Variants in EGLN1 observed in about 807,000 individuals in gnomAD.
EGLN1 encodes egl nine homolog 1.
In EGLN1, 17 loss-of-function variants were observed where a neutral mutation model predicts 38.3. The ratio of observed to expected loss-of-function variants is 0.44; its 90% CI spans 0.30 to 0.67. The LOEUF (loss-of-function observed/expected upper bound fraction) is 0.67, where lower values mean the gene tolerates loss of function less well. Ranked by LOEUF, EGLN1 falls within the 30% of genes least tolerant of loss-of-function variation. The probability of loss-of-function intolerance (pLI) is 0.08; values close to 1 mark genes in which losing one functional copy is unlikely to be tolerated. For missense variants in EGLN1, 477 were observed against 603.3 expected (o/e 0.79, Z 2.19); for synonymous variants, 283 against 257.5 (o/e 1.10, Z -0.95).
intron 1 of EGLN1, among the ~76,000 whole-genome samples, chr1:231,403,672 A>T (rs1688716490): frequency 7.0e-6 from 1 of 142,122 alleles, no homozygotes. Flanking sequence ...GCTACTTGGG[A>T]GGCTGAGGCA....
rs1458473190 is a variant in EGLN1 at position 231,370,552 on chromosome 1, G to C, written c.1148+10C>G. ...ACTCTAAACCAATTTTTTCTGAAAAGGAATACTACCTTGTAGCATATGCTG... is the reference window on the plus strand; with the variant it reads ...ACTCTAAACCAATTTTTTCTGAAAACGAATACTACCTTGTAGCATATGCTG... On this transcript the variant is annotated intron_variant, in intron 3 of 4. Coordinates refer to ENST00000366641, the MANE Select transcript of EGLN1 (RefSeq NM_022051.3). The C allele has an allele frequency of 2.5e-6, 4 of 1,613,120 alleles. No individual in the cohort carries two copies. The highest frequency in any genetic ancestry group is 1.7e-5 in the Admixed American group (1 of 60,026).
Position 231,421,547 on chromosome 1 carries a change from G to A in EGLN1, c.342C>T (p.Ala114=), listed in dbSNP as rs2102947853. 1 of 1,309,280 alleles carries A rather than the reference G, an allele frequency of 7.6e-7. No individual in the cohort carries two copies. The highest frequency in any genetic ancestry group is 9.7e-7 in the Non-Finnish European group (1 of 1,032,988). The allele number at this position is 1,309,280 out of a possible 1,614,324, so 81.1% of individuals were successfully genotyped here. ...CCGCCGCTGGGTCGGCCGGGGGCTTGGCCTTTACTTTTCCCTTGGCCGCGT... is the reference window on the plus strand; with the variant it reads ...CCGCCGCTGGGTCGGCCGGGGGCTTAGCCTTTACTTTTCCCTTGGCCGCGT... ...SGDAAKGKVK[A]KPPADPAAAA... is the part of the protein sequence containing the mutation. The change falls in exon 1 of 5, where the codon GCC becomes GCT. Residue 114 remains alanine, a synonymous_variant. Transcript: ENST00000366641. The surrounding 1 kb of genome is among the most constrained non-coding windows in gnomAD (Gnocchi z 5.5).
intron 1 of EGLN1, among the ~76,000 whole-genome samples, chr1:231,381,621 G>C (rs556170584): frequency 6.6e-6 from 1 of 152,100 alleles, no homozygotes; most frequent in Non-Finnish European, 1.5e-5. Context: ...GTATAATCTA[G>C]AGATATGTCA....
chr1:231,422,219 C>T lies in EGLN1; in HGVS notation c.-331G>A, dbSNP rs949839466. On this transcript the variant is annotated 5_prime_UTR_variant, in exon 1 of 5. Coordinates refer to ENST00000366641, the MANE Select transcript of EGLN1 (RefSeq NM_022051.3). Reference sequence around the variant, plus strand: ...CGGCCCCCTCGGCCGCCGCCGCCGCCTCAGCGTCCCGGGCGGCCCGGCCCA... The same window carrying T: ...CGGCCCCCTCGGCCGCCGCCGCCGCTTCAGCGTCCCGGGCGGCCCGGCCCA... 6 of 187,986 alleles carry T rather than the reference C, an allele frequency of 3.2e-5. No individual in the cohort carries two copies. The highest frequency in any genetic ancestry group is 6.5e-5 in the Non-Finnish European group (6 of 92,922). 11.6% of individuals were successfully genotyped at this position (187,986 alleles called of 1,614,324 possible).
chr1:231,382,683 TTC>T (rs1688103373), intron 1 of EGLN1, among the ~76,000 whole-genome samples: 1 of 152,128 alleles, frequency 6.6e-6, no homozygotes. Flanking sequence ...CATAAAGGAA[TTC>T]TGTTATTTGA....
At chr1:231,393,652 G>A (rs1188996724) in intron 1 of EGLN1, among the ~76,000 whole-genome samples, 5 of 151,968 alleles carry the variant, frequency 3.3e-5, no homozygotes, top group Admixed American at 6.6e-5. Flanking sequence ...TATATTCCAT[G>A]TCCCTGTTTC....
chr1:231,367,559 T>C lies in EGLN1; in HGVS notation c.1216+10A>G. The C allele has an allele frequency of 6.2e-7, 1 of 1,613,898 alleles. No individual in the cohort carries two copies. The highest frequency in any genetic ancestry group is 8.5e-7 in the Non-Finnish European group (1 of 1,179,858). Reference sequence around the variant, plus strand: ...TGTACCAATATATCCTGGCCCCAAATGACGTTTACCTGTTAGATATTTTAC... The same window carrying C: ...TGTACCAATATATCCTGGCCCCAAACGACGTTTACCTGTTAGATATTTTAC... On this transcript the variant is annotated intron_variant, in intron 4 of 4. Transcript: ENST00000366641.
At chr1:231,381,652 A>G (rs1688082493) in intron 1 of EGLN1, among the ~76,000 whole-genome samples, 1 of 152,216 alleles carries the variant, frequency 6.6e-6, no homozygotes, top group South Asian at 2.1e-4. Context: ...GTACTCTCTG[A>G]GCTTTCATTT....
intron 1 of EGLN1, among the ~76,000 whole-genome samples, chr1:231,395,191 TC>T (rs1688489521): frequency 6.6e-6 from 1 of 152,230 alleles, no homozygotes; most frequent in Non-Finnish European, 1.5e-5. Context: ...CATATCTGTC[TC>T]TTTTATTTTA....
chr1:231,373,948 G>GA (rs752212942), intron 2 of EGLN1, 32 bp downstream of exon 2: 1 of 1,611,896 alleles, frequency 6.2e-7, no homozygotes, highest in Non-Finnish European at 8.5e-7. Context: ...ACACCTGTAA[G>GA]AAAAAAATAA....
intron 2 of EGLN1, 126 bp downstream of exon 2, chr1:231,373,854 T>C: frequency 8.9e-7 from 1 of 1,118,340 alleles, no homozygotes; most frequent in South Asian, 1.4e-5. Flanking sequence ...TACCTGAGAC[T>C]GAAACAAATT....
At chr1:231,405,760 G>A (rs1322846663) in intron 1 of EGLN1, among the ~76,000 whole-genome samples, 2 of 151,950 alleles carry the variant, frequency 1.3e-5, no homozygotes, top group Non-Finnish European at 2.9e-5. Flanking sequence ...AATCTCTAGA[G>A]TAGGCACACA....
intron 1 of EGLN1, among the ~76,000 whole-genome samples, chr1:231,388,045 T>C (rs1034951948): frequency 5.3e-5 from 8 of 152,230 alleles, no homozygotes; most frequent in Admixed American, 1.3e-4. Context: ...TCTTTACAGA[T>C]TGCTATACAC....
chr1:231,376,140 T>G (rs898035787), intron 1 of EGLN1, among the ~76,000 whole-genome samples: 1 of 152,204 alleles, frequency 6.6e-6, no homozygotes, highest in African/African-American at 2.4e-5. Flanking sequence ...TCCCTCCTTA[T>G]AAGAAGTTTT....
chr1:231,405,899 C>G (rs1484844907), intron 1 of EGLN1, among the ~76,000 whole-genome samples: 1 of 151,964 alleles, frequency 6.6e-6, no homozygotes, highest in Non-Finnish European at 1.5e-5. Flanking sequence ...TGTTTCAGAT[C>G]TAACCATTAT....
intron 1 of EGLN1, among the ~76,000 whole-genome samples, chr1:231,404,474 G>A (rs1037885336): frequency 2.0e-5 from 3 of 152,010 alleles, no homozygotes; most frequent in Admixed American, 6.6e-5. Flanking sequence ...ATGGGCTTAC[G>A]TCAGTAAGAC....
At chr1:231,401,887 C>T (rs2739518) in intron 1 of EGLN1, among the ~76,000 whole-genome samples, 82,826 of 151,946 alleles carry the variant, frequency 0.55, 24,212 homozygotes, top group Non-Finnish European at 0.65. Flanking sequence ...ATGGCTAACC[C>T]GTTTTCCAAA....
At position 231,391,048 on chromosome 1, in the gene EGLN1, C is replaced by T. The variant is rs952148461; in HGVS notation, c.892-16949G>A. ...TAGACAGGAACTGATTCACCACGACCGACGCGTGTGTGTGTGAGACAGGGA... is the reference window on the plus strand; with the variant it reads ...TAGACAGGAACTGATTCACCACGACTGACGCGTGTGTGTGTGAGACAGGGA... On this transcript the variant is annotated intron_variant, in intron 1 of 4. Transcript: ENST00000366641. 6.3e-5 allele frequency among the ~76,000 whole-genome samples: 7 copies of T among 110,986 alleles called. 2 individuals are homozygous for T. Among genetic ancestry groups the T allele is most frequent in the Non-Finnish European group, 1.5e-4 (7 of 48,078 alleles). 72.8% of individuals were successfully genotyped at this position (110,986 alleles called of 152,430 possible).
At chr1:231,367,720 G>A in intron 3 of EGLN1, 84 bp from the exon 4 acceptor site, 2 of 1,182,486 alleles carry the variant, frequency 1.7e-6, no homozygotes, top group Non-Finnish European at 2.5e-6. Flanking sequence ...ATTAAAACTT[G>A]TAATGCCAAA....
Sources: allele counts gnomAD v4.1 joint callset (sites outside exome capture counted in the v4.1 genomes callset), GRCh38; gene constraint gnomAD v4.1.1; non-coding constraint Gnocchi (gnomAD v3.1); transcripts MANE v1.5; gene names NCBI Gene and HGNC (gene_info 2026-07-23, HGNC 2026-07-21).